The following ZCCHC14 variants were observed in gnomAD, a reference collection of about 807,000 sequenced individuals.
ZCCHC14 encodes the protein zinc finger CCHC domain-containing protein 14.
A neutral mutation model predicts 85.0 loss-of-function variants in ZCCHC14; 16 were observed. That is an observed-to-expected ratio of 0.19 (90% CI 0.13 to 0.29). The LOEUF (loss-of-function observed/expected upper bound fraction) is 0.29. Ranked by LOEUF, ZCCHC14 falls within the 10% of genes least tolerant of loss-of-function variation. The pLI, the probability that ZCCHC14 is intolerant of heterozygous loss-of-function variation, is 1.00. For missense variants in ZCCHC14, 1,303 were observed against 1,443.5 expected (o/e 0.90, Z 1.58); for synonymous variants, 775 against 630.7 (o/e 1.23, Z -3.43).
intron 1 of ZCCHC14, among the ~76,000 whole-genome samples, chr16:87,481,163 C>G (rs1465331478): frequency 6.6e-6 from 1 of 152,076 alleles, no homozygotes; most frequent in East Asian, 1.9e-4. Flanking sequence ...AGACCCAGGC[C>G]AGGAGACTGG....
At chr16:87,490,264 A>G (rs1912693149) in intron 1 of ZCCHC14, among the ~76,000 whole-genome samples, 1 of 152,260 alleles carries the variant, frequency 6.6e-6, no homozygotes, top group South Asian at 2.1e-4. Flanking sequence ...TAAAAAACCT[A>G]GCAAACCAGA....
At chr16:87,437,468 C>T (rs913624153) in intron 2 of ZCCHC14, among the ~76,000 whole-genome samples, 5 of 151,958 alleles carry the variant, frequency 3.3e-5, no homozygotes, top group South Asian at 2.1e-4. Context: ...AAAGCATTCA[C>T]GTGCGTAAAA....
At chr16:87,421,765 AAG>A (rs1176452109) in intron 4 of ZCCHC14, among the ~76,000 whole-genome samples, 1 of 152,140 alleles carries the variant, frequency 6.6e-6, no homozygotes, top group Admixed American at 6.5e-5. Context: ...CAGAGGCAGC[AAG>A]AGAGCCCAGT....
rs563515516 is a variant in ZCCHC14, at chr16:87,461,153, C to T, written c.571-1022G>A. 2.0e-5 allele frequency among the ~76,000 whole-genome samples: 3 copies of T among 152,294 alleles called. No homozygotes were observed. In the East Asian group the frequency reaches 5.8e-4, roughly 29 times the overall value. On this transcript the variant is annotated intron_variant, in intron 1 of 12. Coordinates refer to ENST00000671377, the MANE Select transcript of ZCCHC14 (RefSeq NM_015144.3). ...GAGGCCCTCCTGACCACCAGTGCTCCCAACACACAACAAGCGCAGAAACAA... is the reference window on the plus strand; with the variant it reads ...GAGGCCCTCCTGACCACCAGTGCTCTCAACACACAACAAGCGCAGAAACAA...
intron 7 of ZCCHC14, among the ~76,000 whole-genome samples, chr16:87,418,510 C>A (rs1908915996): frequency 6.6e-6 from 1 of 152,202 alleles, no homozygotes; most frequent in Admixed American, 6.5e-5. Context: ...CTACCCAGGG[C>A]CCGTGCGGAC....
chr16:87,454,793 G>T (rs1910872318), intron 2 of ZCCHC14, among the ~76,000 whole-genome samples: 1 of 152,214 alleles, frequency 6.6e-6, no homozygotes, highest in African/African-American at 2.4e-5. Context: ...ATGGTGCAGA[G>T]CACACGTAGC....
At position 87,420,817 on chromosome 16, in the gene ZCCHC14, C is replaced by G; in HGVS notation, c.841-101G>C. 1.1e-6 allele frequency: 1 copy of G among 926,208 alleles called. No homozygotes were observed. The highest frequency in any genetic ancestry group is 2.8e-5 in the East Asian group (1 of 36,106). 57.4% of individuals were successfully genotyped at this position (926,208 alleles called of 1,614,324 possible). On this transcript the variant is annotated intron_variant, in intron 4 of 12. Transcript: ENST00000671377. This position sits in a 1 kb window ranked among gnomAD's most constrained non-coding sequence, Gnocchi z 5.0. ...ACCTGGGGCAGGTGCTCCATGGTGC[C>G]GCCTGCTGGTCTGATATGATTTACA...
Position 87,411,540 on chromosome 16 carries a change from G to A in ZCCHC14, c.3181C>T (p.Pro1061Ser). Residue 1061 changes from proline to serine, a missense_variant, in exon 12 of 13, where the codon CCG becomes TCG. This residue lies in a region of ZCCHC14 where 797 missense variants were observed against 730.8 expected (regional missense o/e 1.09). Transcript: ENST00000671377. Reference sequence around the variant, plus strand: ...CCTGGCCGGTTGAAGTCCATGGACGGCTGTTTGCAGTCCTGGGCGCGGTGA... The same window carrying A: ...CCTGGCCGGTTGAAGTCCATGGACGACTGTTTGCAGTCCTGGGCGCGGTGA... ...TGHRAQDCKQ[P>S]SMDFNRPGTF... 1 of 1,613,638 alleles carries A rather than the reference G, an allele frequency of 6.2e-7. No individual in the cohort carries two copies. The highest frequency in any genetic ancestry group is 8.5e-7 in the Non-Finnish European group (1 of 1,180,026).
In ZCCHC14 at chr16:87,414,437, G is replaced by A. The variant is rs752742696; in HGVS notation, c.1580C>T (p.Ser527Leu). 12 of 1,612,948 alleles carry A rather than the reference G, an allele frequency of 7.4e-6. No homozygotes were observed. Among genetic ancestry groups the A allele is most frequent in the East Asian group, 2.2e-5 (1 of 44,866 alleles). ...ACCTGCTGCATGGCTGCCCCGCCCC[G>A]ACTGCACGGGCCCGACGTGGCTGGT... ...PPTSHVGPVQSGRGSHAAELR... is the reference protein window; with the variant it reads ...PPTSHVGPVQLGRGSHAAELR... Residue 527 changes from serine to leucine, a missense_variant, in exon 10 of 13, where the codon TCG becomes TTG. This residue lies in a region of ZCCHC14 where 58 missense variants were observed against 88.2 expected (regional missense o/e 0.66). Coordinates refer to ENST00000671377, the MANE Select transcript of ZCCHC14 (RefSeq NM_015144.3).
At chr16:87,415,752 G>A (rs1305413076) in intron 8 of ZCCHC14, among the ~76,000 whole-genome samples, 1 of 152,180 alleles carries the variant, frequency 6.6e-6, no homozygotes, top group Non-Finnish European at 1.5e-5. Flanking sequence ...TCTTGCATAA[G>A]TCACAGTTTG....
rs1342437626 is a variant in ZCCHC14, at chr16:87,492,421, C to T, written c.-183G>A. ...CCGGGGCGGGGGCGGGGACCGGGGC[C>T]GGGCAAGGCTCCCGTCAGGGGCCGG... On this transcript the variant is annotated 5_prime_UTR_variant, in exon 1 of 13. Coordinates refer to ENST00000671377, the MANE Select transcript of ZCCHC14 (RefSeq NM_015144.3). The surrounding 1 kb of genome is among the most constrained non-coding windows in gnomAD (Gnocchi z 6.7). 5 of 142,748 alleles carry T rather than the reference C, an allele frequency of 3.5e-5. No individual in the cohort carries two copies. The highest frequency in any genetic ancestry group is 3.6e-3 in the Middle Eastern group (1 of 274). The allele number at this position is 142,748 out of a possible 1,614,324, so 8.8% of individuals were successfully genotyped here.
intron 1 of ZCCHC14, among the ~76,000 whole-genome samples, chr16:87,487,392 C>G (rs1912555983): frequency 6.6e-6 from 1 of 152,240 alleles, no homozygotes; most frequent in African/African-American, 2.4e-5. Context: ...ACAGCTGCAG[C>G]TCAGGCGGGG....
intron 1 of ZCCHC14, among the ~76,000 whole-genome samples, chr16:87,487,970 G>A (rs935951251): frequency 3.3e-5 from 5 of 152,114 alleles, no homozygotes; most frequent in Admixed American, 3.3e-4. Flanking sequence ...AAGGGTTGGG[G>A]GGAGGGGGAA....
intron 1 of ZCCHC14, among the ~76,000 whole-genome samples, chr16:87,477,392 C>T (rs928412842): frequency 2.0e-5 from 3 of 152,194 alleles, no homozygotes; most frequent in Admixed American, 6.5e-5. Flanking sequence ...CAGGGCCGGC[C>T]GCGCACATGG....
intron 1 of ZCCHC14, among the ~76,000 whole-genome samples, chr16:87,477,582 T>A (rs1243990945): frequency 6.6e-6 from 1 of 152,192 alleles, no homozygotes; most frequent in Non-Finnish European, 1.5e-5. Flanking sequence ...ATAATAAAAA[T>A]AGCCACTCAC....
At chr16:87,451,282 C>T (rs532995883) in intron 2 of ZCCHC14, among the ~76,000 whole-genome samples, 4 of 148,734 alleles carry the variant, frequency 2.7e-5, no homozygotes, top group Admixed American at 6.7e-5. Context: ...CTGCAACCTT[C>T]GCCTCCCGGG....
intron 3 of ZCCHC14, among the ~76,000 whole-genome samples, chr16:87,425,637 G>A (rs566475940): frequency 3.9e-5 from 6 of 151,938 alleles, no homozygotes; most frequent in African/African-American, 9.7e-5. Context: ...CTCCTTCTCT[G>A]CCTTAAATAT....
At chr16:87,451,904 C>G (rs758151339) in intron 2 of ZCCHC14, among the ~76,000 whole-genome samples, 9 of 152,248 alleles carry the variant, frequency 5.9e-5, no homozygotes, top group Non-Finnish European at 1.0e-4. Context: ...TACTTTCTAG[C>G]TCACGAGCCT....
chr16:87,489,500 G>C (rs1269908738), intron 1 of ZCCHC14, among the ~76,000 whole-genome samples: 1 of 152,220 alleles, frequency 6.6e-6, no homozygotes, highest in African/African-American at 2.4e-5. Flanking sequence ...AGAGGAGAAA[G>C]CAGCATTTAC....
Sources: gnomAD v4.1 joint callset for allele counts (sites outside exome capture counted in the v4.1 genomes callset) on GRCh38, gnomAD v4.1.1 for gene constraint, gnomAD v4.1.1 regional missense constraint, Gnocchi (gnomAD v3.1) non-coding constraint, MANE v1.5 for transcripts, NCBI Gene and HGNC (gene_info 2026-07-23, HGNC 2026-07-21) for gene names.